Variants in PTPRO observed in about 807,000 individuals in gnomAD.
PTPRO encodes protein tyrosine phosphatase receptor type O, also known as receptor-type tyrosine-protein phosphatase O.
PTPRO carries 62 observed loss-of-function variants against 145.2 expected under a neutral mutation model. The ratio of observed to expected loss-of-function variants is 0.43; its 90% CI spans 0.35 to 0.53. The LOEUF is 0.53. Ranked by LOEUF, PTPRO falls within the 20% of genes least tolerant of loss-of-function variation. PTPRO has a pLI of 0.01. For synonymous variants in PTPRO, 565 were observed against 514.7 expected, an observed-to-expected ratio of 1.10 and a Z score of -1.32; for missense variants, 1,345 against 1,482.7, an observed-to-expected ratio of 0.91 and a Z score of 1.53.
intron 4 of PTPRO, among the ~76,000 whole-genome samples, 194 bp downstream of exon 4, chr12:15,499,788 T>C (rs1386121076): frequency 6.6e-6 from 1 of 152,130 alleles, no homozygotes; most frequent in Non-Finnish European, 1.5e-5. Flanking sequence ...ATCTAAAATA[T>C]GTCAATGTAA....
chr12:15,595,335 A>G, intron 26 of PTPRO: 1 of 401,712 alleles, frequency 2.5e-6, no homozygotes, highest in Non-Finnish European at 4.7e-6. Flanking sequence ...AGAACCCTAA[A>G]TTATTCTGTT....
chr12:15,409,875 C>A (rs908945130), intron 1 of PTPRO, among the ~76,000 whole-genome samples: 1 of 152,196 alleles, frequency 6.6e-6, no homozygotes, highest in Non-Finnish European at 1.5e-5. Context: ...TCGCACCAGG[C>A]GCTATCTCCA....
chr12:15,339,247 C>A (rs1196506550), intron 1 of PTPRO, among the ~76,000 whole-genome samples: 1 of 151,978 alleles, frequency 6.6e-6, no homozygotes, highest in Non-Finnish European at 1.5e-5. Flanking sequence ...AAGAGAAGAA[C>A]AGAAGTAGAA....
chr12:15,570,955 C>G (rs1425722577), intron 19 of PTPRO, among the ~76,000 whole-genome samples: 1 of 152,142 alleles, frequency 6.6e-6, no homozygotes, highest in Non-Finnish European at 1.5e-5. Context: ...TTCAACAAGT[C>G]ATTTTCCAGT....
At chr12:15,323,024 C>G (rs1866345910) in intron 1 of PTPRO, among the ~76,000 whole-genome samples, 1 of 152,182 alleles carries the variant, frequency 6.6e-6, no homozygotes, top group Non-Finnish European at 1.5e-5. Flanking sequence ...GAAGTTTGCT[C>G]CCTCCGGCTT....
chr12:15,412,534 C>T (rs539059940), intron 1 of PTPRO, among the ~76,000 whole-genome samples: 4 of 152,254 alleles, frequency 2.6e-5, no homozygotes, highest in African/African-American at 9.6e-5. Context: ...TTTTTGTCAT[C>T]CTCTGTATAA....
chr12:15,435,994 A>G (rs1426146230), intron 1 of PTPRO, among the ~76,000 whole-genome samples: 1 of 152,234 alleles, frequency 6.6e-6, no homozygotes, highest in Non-Finnish European at 1.5e-5. Context: ...TATGTTCATC[A>G]TGGAAACTGA....
At chr12:15,382,964 G>A (rs1426387980) in intron 1 of PTPRO, among the ~76,000 whole-genome samples, 2 of 152,090 alleles carry the variant, frequency 1.3e-5, no homozygotes, top group Non-Finnish European at 2.9e-5. Flanking sequence ...TTTCTTTGTG[G>A]TGAGAACATT....
intron 1 of PTPRO, among the ~76,000 whole-genome samples, chr12:15,370,602 TG>T (rs1338115031): frequency 6.6e-6 from 1 of 152,166 alleles, no homozygotes; most frequent in Non-Finnish European, 1.5e-5. Context: ...TGGTAATATA[TG>T]TATGAGAGGT....
At chr12:15,421,680 G>A (rs1316375945) in intron 1 of PTPRO, among the ~76,000 whole-genome samples, 4 of 152,278 alleles carry the variant, frequency 2.6e-5, no homozygotes, top group Non-Finnish European at 4.4e-5. Flanking sequence ...TTATTTTGGA[G>A]TCTGTGTCTA....
chr12:15,492,213 G>A (rs554164999), intron 2 of PTPRO, among the ~76,000 whole-genome samples: 8 of 152,196 alleles, frequency 5.3e-5, no homozygotes, highest in African/African-American at 1.9e-4. Flanking sequence ...ATGGGGAGAT[G>A]AAAAAGCATC....
chr12:15,336,246 T>C (rs1591710917), intron 1 of PTPRO, among the ~76,000 whole-genome samples: 1 of 150,866 alleles, frequency 6.6e-6, no homozygotes, highest in East Asian at 1.9e-4. Context: ...AAAAAAAAGG[T>C]ATAAAACTTC....
At chr12:15,497,684 A>C (rs942403242) in intron 3 of PTPRO, among the ~76,000 whole-genome samples, 25 of 152,242 alleles carry the variant, frequency 1.6e-4, no homozygotes, top group African/African-American at 5.8e-4. Flanking sequence ...TGCCTGGTGC[A>C]GGAAATAAAT....
chr12:15,348,185 C>T (rs1300990221), intron 1 of PTPRO: 1 of 152,174 alleles, frequency 6.6e-6, no homozygotes, highest in African/African-American at 2.4e-5. Context: ...TAGCTGGGCT[C>T]TCCAATCACC....
intron 19 of PTPRO, 32 bp from the exon 20 acceptor site, chr12:15,578,821 G>C: frequency 1.3e-6 from 2 of 1,482,076 alleles, no homozygotes; most frequent in Non-Finnish European, 1.9e-6. Context: ...ACCACGTATG[G>C]AACTCTCAAA....
intron 1 of PTPRO, among the ~76,000 whole-genome samples, chr12:15,419,832 A>G (rs1396274860): frequency 6.6e-6 from 1 of 151,614 alleles, no homozygotes; most frequent in African/African-American, 2.4e-5. Flanking sequence ...CAACAAACCA[A>G]TTGAATTAGT....
intron 12 of PTPRO, among the ~76,000 whole-genome samples, chr12:15,537,990 T>C (rs1336385118): frequency 6.6e-6 from 1 of 152,152 alleles, no homozygotes; most frequent in Middle Eastern, 3.2e-3. Flanking sequence ...TGCATGTTCT[T>C]TAGGTTTGCA....
intron 12 of PTPRO, chr12:15,546,244 TC>T: frequency 1.1e-6 from 1 of 885,160 alleles, no homozygotes; most frequent in South Asian, 3.4e-5. Flanking sequence ...TCCAGGAAGT[TC>T]TGTATTATCA....
chr12:15,477,873 T>C (rs1941692076), intron 1 of PTPRO, among the ~76,000 whole-genome samples: 1 of 152,126 alleles, frequency 6.6e-6, no homozygotes, highest in Non-Finnish European at 1.5e-5. Context: ...TCTGGGTGCA[T>C]GGGTATCTCT....
Sources: gnomAD v4.1 joint callset for allele counts (sites outside exome capture counted in the v4.1 genomes callset) on GRCh38, gnomAD v4.1.1 for gene constraint, MANE v1.5 for transcripts, NCBI Gene and HGNC (gene_info 2026-07-23, HGNC 2026-07-21) for gene names.